Variants in AMELY observed in about 807,000 individuals in gnomAD.
AMELY encodes the protein amelogenin, Y isoform.
Under a neutral mutation model 4.2 loss-of-function variants are expected in AMELY, and 4 were observed. The observed-to-expected ratio is 0.96, with a 90% CI of 0.47 to 2.19. The LOEUF (loss-of-function observed/expected upper bound fraction) is 2.19, where lower values mean the gene tolerates loss of function less well. AMELY is among the 30% of genes most tolerant of loss of function. The pLI is 0.02. For synonymous variants in AMELY, 11 were observed against 14.7 expected (o/e 0.75, Z 0.57); for missense variants, 32 against 41.5 (o/e 0.77, Z 0.63).
chrY:6,874,387 G>A, intron 1 of AMELY, among the ~76,000 whole-genome samples: 1 of 33,074 alleles, frequency 3.0e-5, no homozygotes, highest in Non-Finnish European at 7.5e-5. Flanking sequence ...TTCCTTAAAG[G>A]TATGTCCTTT....
At chrY:6,902,763 G>A in intron 1 of AMELY, among the ~76,000 whole-genome samples, 2 of 29,265 alleles carry the variant, frequency 6.8e-5, no homozygotes, top group Admixed American at 3.3e-4. Flanking sequence ...CCCCCAGGCT[G>A]GAGTGCAAAT....
intron 1 of AMELY, among the ~76,000 whole-genome samples, chrY:6,874,693 T>A: frequency 3.0e-5 from 1 of 33,832 alleles, no homozygotes; most frequent in African/African-American, 1.1e-4. Flanking sequence ...CCCGTGTACT[T>A]CTAGCCCATT....
chrY:6,898,454 C>G, intron 1 of AMELY, among the ~76,000 whole-genome samples: 2 of 32,715 alleles, frequency 6.1e-5, no homozygotes, highest in Non-Finnish European at 1.5e-4. Flanking sequence ...CACCTCGAGC[C>G]CAGAGGACAC....
chrY:6,881,559 A>C, intron 1 of AMELY, among the ~76,000 whole-genome samples: 1 of 32,681 alleles, frequency 3.1e-5, no homozygotes, highest in Non-Finnish European at 7.5e-5. Context: ...CTCTCTCACC[A>C]CTCCTATTCA....
At chrY:6,891,899 T>G in intron 1 of AMELY, among the ~76,000 whole-genome samples, 1 of 34,292 alleles carries the variant, frequency 2.9e-5, no homozygotes, top group Non-Finnish European at 7.3e-5. Context: ...CTGAGTCGGT[T>G]GCCCTCACAC....
chrY:6,905,644 G>C (rs1603023432), intron 1 of AMELY, among the ~76,000 whole-genome samples: 1 of 28,355 alleles, frequency 3.5e-5, no homozygotes, highest in Non-Finnish European at 8.2e-5. Context: ...GCCCCAGCTG[G>C]AGTGCAGTGG....
At chrY:6,883,455 G>A (rs2054076573) in intron 1 of AMELY, among the ~76,000 whole-genome samples, 1 of 32,579 alleles carries the variant, frequency 3.1e-5, no homozygotes, top group Non-Finnish European at 7.5e-5. Flanking sequence ...GTGGGGAATA[G>A]GGGAGGGATA....
chrY:6,886,030 G>C (rs935384442), intron 1 of AMELY, among the ~76,000 whole-genome samples: 4 of 33,956 alleles, frequency 1.2e-4, no homozygotes, highest in Admixed American at 2.7e-4. Flanking sequence ...TAAAATGAAA[G>C]TTGAAGATTA....
chrY:6,887,457 T>G, intron 1 of AMELY, among the ~76,000 whole-genome samples: 1 of 33,786 alleles, frequency 3.0e-5, no homozygotes. Context: ...ATAAAAGATT[T>G]TGTTGTTTTC....
At chrY:6,904,485 T>A in intron 1 of AMELY, among the ~76,000 whole-genome samples, 1 of 33,453 alleles carries the variant, frequency 3.0e-5, no homozygotes, top group Non-Finnish European at 7.4e-5. Context: ...GGGGCTGTAG[T>A]GCTGCAGCTG....
intron 1 of AMELY, among the ~76,000 whole-genome samples, chrY:6,875,890 A>G (rs2054071573): frequency 3.0e-5 from 1 of 33,019 alleles, no homozygotes; most frequent in Non-Finnish European, 7.5e-5. Flanking sequence ...CTACAAAATT[A>G]TGGGTGAGCT....
intron 1 of AMELY, among the ~76,000 whole-genome samples, chrY:6,908,042 G>A (rs752129837): frequency 3.1e-4 from 10 of 32,429 alleles, no homozygotes; most frequent in Admixed American, 1.7e-3. Context: ...GGGTTTCACC[G>A]TATTGATTAG....
chrY:6,895,699 G>A (rs2054085755), intron 1 of AMELY, among the ~76,000 whole-genome samples: 1 of 33,565 alleles, frequency 3.0e-5, no homozygotes, highest in South Asian at 6.8e-4. Context: ...TGATGCTTCC[G>A]GCTTGGTTCT....
At chrY:6,909,951 G>T in intron 1 of AMELY, among the ~76,000 whole-genome samples, 1 of 32,946 alleles carries the variant, frequency 3.0e-5, no homozygotes, top group Non-Finnish European at 7.4e-5. Context: ...TGGGGAGGGG[G>T]AGTGGAAATC....
chrY:6,890,901 C>G (rs552897311), intron 1 of AMELY, among the ~76,000 whole-genome samples: 1 of 33,198 alleles, frequency 3.0e-5, no homozygotes, highest in South Asian at 7.0e-4. Flanking sequence ...TTCTACGTGG[C>G]CTAATTGCGA....
chrY:6,868,561 T>A, intron 5 of AMELY, 99 bp from the exon 6 acceptor site: 1 of 357,378 alleles, frequency 2.8e-6, no homozygotes, highest in Middle Eastern at 8.1e-4. Context: ...AGGAATATTG[T>A]ATTTATCTTT....
intron 1 of AMELY, among the ~76,000 whole-genome samples, chrY:6,891,041 G>T: frequency 5.9e-5 from 2 of 33,919 alleles, no homozygotes; most frequent in Non-Finnish European, 1.5e-4. Flanking sequence ...GGCCTGAAGA[G>T]TCACCAGGAG....
intron 1 of AMELY, among the ~76,000 whole-genome samples, chrY:6,885,055 A>G: frequency 2.9e-5 from 1 of 34,337 alleles, no homozygotes; most frequent in East Asian, 7.6e-4. Flanking sequence ...ATCAATCAGA[A>G]TGTCTATCAG....
At chrY:6,893,828 T>C in intron 1 of AMELY, among the ~76,000 whole-genome samples, 1 of 33,578 alleles carries the variant, frequency 3.0e-5, no homozygotes, top group Non-Finnish European at 7.3e-5. Flanking sequence ...TTTAGCCACT[T>C]ATCCTGGGGG....
Sources: gnomAD v4.1 joint callset for allele counts (sites outside exome capture counted in the v4.1 genomes callset) on GRCh38, gnomAD v4.1.1 for gene constraint, MANE v1.5 for transcripts, NCBI Gene and HGNC (gene_info 2026-07-23, HGNC 2026-07-21) for gene names.